Variants in CA10 observed in about 807,000 individuals in gnomAD.
The protein encoded by CA10 is carbonic anhydrase-related protein 10.
Under a neutral mutation model 44.2 loss-of-function variants are expected in CA10, and 14 were observed. That is an observed-to-expected ratio of 0.32 (90% CI 0.21 to 0.50). CA10 has a LOEUF of 0.50. Ranked by LOEUF, CA10 falls within the 20% of genes least tolerant of loss-of-function variation. CA10 has a pLI of 0.99. For missense variants in CA10, 350 were observed against 409.7 expected (o/e 0.85, Z 1.26); for synonymous variants, 159 against 141.6 (o/e 1.12, Z -0.87).
In CA10 at chr17:52,143,787, C is replaced by A. The variant is rs1473142909; in HGVS notation, c.61+13939G>T. Among the ~76,000 whole-genome samples the A allele has an allele frequency of 2.6e-5, 4 of 152,098 alleles. No individual in the cohort carries two copies. In the East Asian group the frequency reaches 7.7e-4, roughly 29 times the overall value. On this transcript the variant is annotated intron_variant, in intron 1 of 8. Transcript: ENST00000451037. ...CTCTGCATTCTCAGTTGTAATCCAG[C>A]CTCTACCAACGAGCTTGGAGGAAAA... is the stretch of plus-strand genomic sequence containing the variant.
At chr17:51,699,990 C>T (rs1915535910) in intron 4 of CA10, among the ~76,000 whole-genome samples, 1 of 151,348 alleles carries the variant, frequency 6.6e-6, no homozygotes, top group Non-Finnish European at 1.5e-5. Flanking sequence ...ATGGGGTAGA[C>T]ATCAGAGATG....
intron 2 of CA10, among the ~76,000 whole-genome samples, chr17:51,975,731 G>C (rs1378197413): frequency 6.6e-6 from 1 of 151,710 alleles, no homozygotes; most frequent in Non-Finnish European, 1.5e-5. Flanking sequence ...GGTGTGGTGG[G>C]GTATGCCCAT....
At chr17:52,142,076 T>G (rs1374649330) in intron 1 of CA10, among the ~76,000 whole-genome samples, 1 of 152,158 alleles carries the variant, frequency 6.6e-6, no homozygotes, top group African/African-American at 2.4e-5. Context: ...GAGTAAGCCA[T>G]GTAGGATTCA....
chr17:52,074,068 C>G (rs990698266), intron 1 of CA10, among the ~76,000 whole-genome samples: 3 of 152,210 alleles, frequency 2.0e-5, no homozygotes, highest in African/African-American at 7.2e-5. Context: ...GACTCACCCT[C>G]CTTCTCCCCC....
intron 3 of CA10, among the ~76,000 whole-genome samples, chr17:51,898,142 C>T (rs1260098915): frequency 2.0e-5 from 3 of 152,102 alleles, no homozygotes; most frequent in East Asian, 3.9e-4. Context: ...TTGTCTTGTT[C>T]TGCTTCTCAA....
At chr17:52,090,856 G>T (rs1988239707) in intron 1 of CA10, among the ~76,000 whole-genome samples, 1 of 152,160 alleles carries the variant, frequency 6.6e-6, no homozygotes, top group Admixed American at 6.6e-5. Context: ...ATTATCTGAT[G>T]ATCTGGGCTT....
chr17:51,634,489 C>T (rs1384640179), intron 7 of CA10, among the ~76,000 whole-genome samples: 1 of 152,116 alleles, frequency 6.6e-6, no homozygotes, highest in Non-Finnish European at 1.5e-5. Flanking sequence ...GTTATAGACT[C>T]CCACAGTCGT....
chr17:51,860,206 A>C (rs1040556362), intron 3 of CA10, among the ~76,000 whole-genome samples: 1 of 152,122 alleles, frequency 6.6e-6, no homozygotes, highest in Admixed American at 6.6e-5. Flanking sequence ...ATGAAGCATT[A>C]ATTTTTAAAT....
chr17:51,877,754 G>A (rs1980142196), intron 3 of CA10, among the ~76,000 whole-genome samples: 1 of 152,092 alleles, frequency 6.6e-6, no homozygotes, highest in Non-Finnish European at 1.5e-5. Flanking sequence ...ATAGGTCAGT[G>A]TATAGAAGGT....
intron 4 of CA10, among the ~76,000 whole-genome samples, chr17:51,674,373 C>G (rs1223138826): frequency 6.6e-6 from 1 of 152,194 alleles, no homozygotes; most frequent in Non-Finnish European, 1.5e-5. Context: ...CTGTAAAACC[C>G]TTGAACAAGC....
chr17:52,033,796 T>C (rs191851015), intron 2 of CA10, among the ~76,000 whole-genome samples: 24 of 152,268 alleles, frequency 1.6e-4, no homozygotes, highest in African/African-American at 5.8e-4. Context: ...AGTGAAAATA[T>C]CTCTTTTGAT....
chr17:51,862,032 T>C (rs1979334448), intron 3 of CA10, among the ~76,000 whole-genome samples: 1 of 152,232 alleles, frequency 6.6e-6, no homozygotes, highest in Admixed American at 6.5e-5. Flanking sequence ...AATTTCTGCC[T>C]TAATTCTCTT....
At chr17:51,671,699 C>T (rs892966034) in intron 4 of CA10, among the ~76,000 whole-genome samples, 3 of 152,120 alleles carry the variant, frequency 2.0e-5, no homozygotes, top group African/African-American at 4.8e-5. Flanking sequence ...CCACCACGCC[C>T]GGCCACATTT....
At chr17:52,110,584 G>A (rs1327842031) in intron 1 of CA10, among the ~76,000 whole-genome samples, 1 of 152,196 alleles carries the variant, frequency 6.6e-6, no homozygotes, top group Non-Finnish European at 1.5e-5. Context: ...ACCTGAAGGA[G>A]AGGTCTCAGA....
chr17:51,889,907 C>T (rs372069657), intron 3 of CA10, among the ~76,000 whole-genome samples: 2 of 152,196 alleles, frequency 1.3e-5, no homozygotes, highest in South Asian at 4.1e-4. Context: ...TGCTTTGAGA[C>T]TTTCTGACCT....
chr17:51,940,827 C>G (rs933405731), intron 2 of CA10, among the ~76,000 whole-genome samples: 1 of 152,056 alleles, frequency 6.6e-6, no homozygotes, highest in African/African-American at 2.4e-5. Context: ...ATGTTTTCTT[C>G]TGAGCCTCAG....
chr17:52,126,511 T>A (rs1327147843), intron 1 of CA10, among the ~76,000 whole-genome samples: 4 of 152,210 alleles, frequency 2.6e-5, no homozygotes, highest in Non-Finnish European at 5.9e-5. Flanking sequence ...AGTCATGCGT[T>A]TACTGCTGTG....
intron 4 of CA10, among the ~76,000 whole-genome samples, chr17:51,666,019 A>G (rs1914192635): frequency 6.6e-6 from 1 of 152,262 alleles, no homozygotes; most frequent in Non-Finnish European, 1.5e-5. Flanking sequence ...GTCTCCTGGC[A>G]GCCACTTTGT....
intron 1 of CA10, among the ~76,000 whole-genome samples, chr17:52,123,182 T>C (rs1316368475): frequency 6.6e-6 from 1 of 152,178 alleles, no homozygotes; most frequent in Non-Finnish European, 1.5e-5. Flanking sequence ...TATTTTGAAA[T>C]ACTGAGTTCT....
Sources: gnomAD v4.1 joint callset for allele counts (sites outside exome capture counted in the v4.1 genomes callset) on GRCh38, gnomAD v4.1.1 for gene constraint, MANE v1.5 for transcripts, NCBI Gene and HGNC (gene_info 2026-07-23, HGNC 2026-07-21) for gene names.